Variants in CCDC88C observed in about 807,000 individuals in gnomAD.
CCDC88C encodes the protein protein Daple.
Under a neutral mutation model 198.8 loss-of-function variants are expected in CCDC88C, and 131 were observed. The ratio of observed to expected loss-of-function variants is 0.66; its 90% confidence interval spans 0.57 to 0.76. The LOEUF is 0.76. CCDC88C is among the 30% of genes least tolerant of loss of function. The pLI is 0.00. For synonymous variants in CCDC88C, 1,166 were observed against 1,114.7 expected (o/e 1.05, Z -0.92); for missense variants, 2,553 against 2,631.6 (o/e 0.97, Z 0.65).
At chr14:91,307,762 G>C (rs1191510474) in intron 17 of CCDC88C, among the ~76,000 whole-genome samples, 2 of 152,272 alleles carry the variant, frequency 1.3e-5, no homozygotes, top group South Asian at 2.1e-4. Context: ...ACACCTGTGT[G>C]TGAGGAGCAT....
chr14:91,304,032 G>T, intron 19 of CCDC88C, 54 bp from the exon 20 acceptor site: 3 of 1,568,148 alleles, frequency 1.9e-6, no homozygotes, highest in Non-Finnish European at 1.7e-6. Flanking sequence ...AGCGAGGAGG[G>T]CTGGGGAGCA....
intron 4 of CCDC88C, among the ~76,000 whole-genome samples, chr14:91,350,543 T>C (rs1893739460): frequency 6.6e-6 from 1 of 152,198 alleles, no homozygotes; most frequent in Non-Finnish European, 1.5e-5. Context: ...GCTGGGGATT[T>C]AAGCAATGGC....
intron 3 of CCDC88C, among the ~76,000 whole-genome samples, chr14:91,405,593 A>G (rs574215886): frequency 1.3e-5 from 2 of 152,288 alleles, no homozygotes; most frequent in Admixed American, 6.5e-5. Flanking sequence ...AACAACCACA[A>G]TGGCATAAAA....
intron 3 of CCDC88C, among the ~76,000 whole-genome samples, chr14:91,404,492 G>A (rs1425697113): frequency 6.6e-6 from 1 of 152,144 alleles, no homozygotes; most frequent in Non-Finnish European, 1.5e-5. Flanking sequence ...AATCACCTGG[G>A]GGCCTGTTAA....
At chr14:91,408,832 C>G in intron 2 of CCDC88C, 65 bp from the exon 3 acceptor site, 1 of 1,056,370 alleles carries the variant, frequency 9.5e-7, no homozygotes, top group Non-Finnish European at 1.5e-6. Flanking sequence ...CCTTTCCCAG[C>G]CACGACCCAG....
chr14:91,369,953 C>T (rs942785240), intron 3 of CCDC88C, among the ~76,000 whole-genome samples: 2 of 152,238 alleles, frequency 1.3e-5, no homozygotes, highest in Non-Finnish European at 2.9e-5. Flanking sequence ...CCCCCTCCCA[C>T]GGAACACTTC....
At chr14:91,290,258 C>T (rs965575635) in intron 24 of CCDC88C, among the ~76,000 whole-genome samples, 1 of 152,200 alleles carries the variant, frequency 6.6e-6, no homozygotes, top group African/African-American at 2.4e-5. Flanking sequence ...GATGTCACAG[C>T]GAGACTCCGT....
At chr14:91,369,083 C>T (rs1409694044) in intron 3 of CCDC88C, among the ~76,000 whole-genome samples, 1 of 152,246 alleles carries the variant, frequency 6.6e-6, no homozygotes, top group African/African-American at 2.4e-5. Flanking sequence ...GGGCCTGGAG[C>T]AAGACCGGGG....
intron 19 of CCDC88C, among the ~76,000 whole-genome samples, 193 bp from the exon 20 acceptor site, chr14:91,304,171 C>T (rs1891462530): frequency 6.6e-6 from 1 of 152,222 alleles, no homozygotes; most frequent in South Asian, 2.1e-4. Context: ...CATAGACGGG[C>T]ACTCAGAGGG....
At chr14:91,354,514 G>A (rs990380964) in intron 4 of CCDC88C, among the ~76,000 whole-genome samples, 5 of 152,288 alleles carry the variant, frequency 3.3e-5, no homozygotes, top group South Asian at 2.1e-4. Flanking sequence ...TGGTGAAGGC[G>A]GTTTTCAGGG....
chr14:91,416,947 G>A (rs117399299), intron 1 of CCDC88C, 109 bp from the exon 2 acceptor site: 3 of 749,858 alleles, frequency 4.0e-6, no homozygotes, highest in South Asian at 3.2e-5. Flanking sequence ...GCAGAAGGGG[G>A]TCACCCACGC....
Position 91,343,662 on chromosome 14 carries a change from A to T in CCDC88C, c.341-5T>A. 1 of 1,613,566 alleles carries T rather than the reference A, an allele frequency of 6.2e-7. No homozygotes were observed. Among genetic ancestry groups the T allele is most frequent in the Non-Finnish European group, 8.5e-7 (1 of 1,179,844 alleles). On this transcript the variant is annotated splice_region_variant and splice_polypyrimidine_tract_variant and intron_variant, in intron 4 of 29. Transcript: ENST00000389857. ...TGATTTCCTCCATGCTCTTCCCTAGATCAAGAGAGCAACACATTTAACTCA... is the reference window on the plus strand; with the variant it reads ...TGATTTCCTCCATGCTCTTCCCTAGTTCAAGAGAGCAACACATTTAACTCA...
Position 91,313,570 on chromosome 14 carries a change from G to A in CCDC88C, c.2246C>T (p.Ala749Val), listed in dbSNP as rs180739396. 5.6e-5 allele frequency: 91 copies of A among 1,611,722 alleles called. No individual in the cohort carries two copies. In the East Asian group the frequency reaches 1.6e-3, roughly 29 times the overall value. The part of the protein sequence containing the change: ...ELRKNVDLLK[A>V]LGKKSERLEL... ...CAGGCGCTCTGACTTCTTGCCCAGC[G>A]CCTTGAGCAGATCCACGTTCTTCCT... is the stretch of plus-strand genomic sequence containing the variant. Residue 749 changes from alanine to valine, a missense_variant, in exon 15 of 30, where the codon GCG (alanine) becomes GTG (valine). By Grantham distance (64) the Ala-to-Val change is moderately conservative (BLOSUM62 0). Coordinates refer to ENST00000389857, the MANE Select transcript of CCDC88C (RefSeq NM_001080414.4). This position sits in a 1 kb window ranked among gnomAD's most constrained non-coding sequence, Gnocchi z 5.2.
intron 2 of CCDC88C, among the ~76,000 whole-genome samples, chr14:91,414,669 C>T (rs1268730407): frequency 6.6e-6 from 1 of 152,200 alleles, no homozygotes; most frequent in Non-Finnish European, 1.5e-5. Flanking sequence ...TCTCTCTTCT[C>T]TTTCCTCATT....
chr14:91,315,872 A>C, intron 13 of CCDC88C, 85 bp from the exon 14 acceptor site: 1 of 1,378,420 alleles, frequency 7.3e-7, no homozygotes, highest in Non-Finnish European at 1.0e-6. Context: ...AACCACCCCA[A>C]CAGAATGCAC....
chr14:91,305,987 A>T, intron 18 of CCDC88C, 61 bp from the exon 19 acceptor site: 2 of 1,563,186 alleles, frequency 1.3e-6, no homozygotes, highest in Non-Finnish European at 1.7e-6. Context: ...AACTGGCCAC[A>T]GGTACTTGGG....
chr14:91,298,855 G>A (rs1464820582), intron 21 of CCDC88C, among the ~76,000 whole-genome samples: 2 of 152,222 alleles, frequency 1.3e-5, no homozygotes, highest in African/African-American at 4.8e-5. Flanking sequence ...GTATGGTCAA[G>A]CCTTTGCAAT....
At chr14:91,342,138 C>A in intron 6 of CCDC88C, 1 of 403,310 alleles carries the variant, frequency 2.5e-6, no homozygotes, top group South Asian at 4.3e-5. Context: ...CAAAAGATGA[C>A]TTGATTGAGG....
At chr14:91,383,831 G>A (rs1469427434) in intron 3 of CCDC88C, among the ~76,000 whole-genome samples, 3 of 152,214 alleles carry the variant, frequency 2.0e-5, no homozygotes, top group African/African-American at 7.2e-5. Context: ...AGCCCCAGAA[G>A]AGAAGAGGCT....
Sources: allele counts gnomAD v4.1 joint callset (sites outside exome capture counted in the v4.1 genomes callset), GRCh38; gene constraint gnomAD v4.1.1; non-coding constraint Gnocchi (gnomAD v3.1); transcripts MANE v1.5; gene names NCBI Gene and HGNC (gene_info 2026-07-23, HGNC 2026-07-21).